Variants in KSR2 observed in about 807,000 individuals in gnomAD.
KSR2 encodes kinase suppressor of ras 2.
A neutral mutation model predicts 107.8 loss-of-function variants in KSR2; 25 were observed. The ratio of observed to expected loss-of-function variants is 0.23; its 90% confidence interval spans 0.17 to 0.32. KSR2 has a LOEUF of 0.32. Ranked by LOEUF, KSR2 falls within the 10% of genes least tolerant of loss-of-function variation. The pLI is 1.00. For synonymous variants in KSR2, 480 were observed against 507.0 expected (o/e 0.95, Z 0.71); for missense variants, 887 against 1,268.9 (o/e 0.70, Z 4.57).
At chr12:117,666,943 G>A (rs1005749306) in intron 5 of KSR2, among the ~76,000 whole-genome samples, 6 of 152,140 alleles carry the variant, frequency 3.9e-5, no homozygotes, top group African/African-American at 1.4e-4. Context: ...GCAGAAATTC[G>A]TAAGAGCAGA....
At chr12:117,650,001 T>C (rs79698863) in intron 5 of KSR2, among the ~76,000 whole-genome samples, 1,930 of 152,276 alleles carry the variant, frequency 0.013, 42 homozygotes, top group African/African-American at 0.044. Flanking sequence ...CTCCCCAGCA[T>C]TCATTCTCTC....
In KSR2 at chr12:117,968,626, G is replaced by A. The variant is rs1044384114; in HGVS notation, c.-371C>T. The A allele has an allele frequency of 1.1e-5, 3 of 284,028 alleles. No homozygotes were observed. Among genetic ancestry groups the A allele is most frequent in the Non-Finnish European group, 1.7e-5 (3 of 171,518 alleles). 17.6% of individuals were successfully genotyped at this position (284,028 alleles called of 1,614,324 possible). A position where few individuals can be genotyped will look rare whatever the true frequency, so the allele number is the denominator to read the frequency against. ...AGAAGAGGAGAAGGAGGAGAGAGAGGAGGAGGGAGAGGAGGAGGAGGGAGA... is the reference window on the plus strand; with the variant it reads ...AGAAGAGGAGAAGGAGGAGAGAGAGAAGGAGGGAGAGGAGGAGGAGGGAGA... On this transcript the variant is annotated 5_prime_UTR_variant, in exon 1 of 20. Transcript: ENST00000339824.
intron 3 of KSR2, among the ~76,000 whole-genome samples, chr12:117,823,354 C>T (rs7309589): frequency 0.089 from 13,468 of 152,036 alleles, 668 homozygotes; most frequent in African/African-American, 0.11. Flanking sequence ...GTCATCCAGG[C>T]AAAAGCTTGG....
At chr12:117,743,722 T>C (rs1051572336) in intron 4 of KSR2, among the ~76,000 whole-genome samples, 1 of 152,220 alleles carries the variant, frequency 6.6e-6, no homozygotes, top group African/African-American at 2.4e-5. Context: ...TCCTATGCCC[T>C]GAACTTTTAC....
At chr12:117,955,766 T>G (rs559171876) in intron 1 of KSR2, among the ~76,000 whole-genome samples, 5 of 151,266 alleles carry the variant, frequency 3.3e-5, no homozygotes, top group Non-Finnish European at 5.9e-5. Flanking sequence ...AACAGAGAAA[T>G]CGCTTCAGTG....
At chr12:117,579,342 G>A in intron 6 of KSR2, 140 bp from the exon 7 acceptor site, 2 of 690,704 alleles carry the variant, frequency 2.9e-6, no homozygotes, top group South Asian at 3.3e-5. Context: ...ACTTAATCAA[G>A]TTGCTTAAAC....
intron 1 of KSR2, among the ~76,000 whole-genome samples, chr12:117,919,934 A>G (rs1010848582): frequency 1.3e-5 from 2 of 152,234 alleles, no homozygotes; most frequent in Non-Finnish European, 2.9e-5. Context: ...ATCCTAGCCT[A>G]TGCTGATTGG....
chr12:117,860,507 C>T lies in KSR2; in HGVS notation c.181-76G>A, dbSNP rs80292514. 3,584 of 1,411,880 alleles carry T rather than the reference C, an allele frequency of 2.5e-3. 76 individuals carry two copies. The African/African-American group carries it at 0.044, about 17-fold the overall frequency. 87.5% of individuals were successfully genotyped at this position (1,411,880 alleles called of 1,614,324 possible). On this transcript the variant is annotated intron_variant, in intron 1 of 19. Transcript: ENST00000339824. ...AAGGAAGAGAGGCGAGAACCCCCTA[C>T]GAACCCCCACCCTAAACCCAGCCAA...
chr12:117,467,148 G>C lies in KSR2; in HGVS notation c.*51C>G. On this transcript the variant is annotated 3_prime_UTR_variant, in exon 20 of 20. Transcript: ENST00000339824. ...AGCTGGCAGAGGACAGAGTAGGGAG[G>C]GAGAGGTGACGGGAGCCCAGGCAGC... The C allele has an allele frequency of 1.5e-6, 1 of 668,976 alleles. No homozygotes were observed. Among genetic ancestry groups the C allele is most frequent in the East Asian group, 2.8e-5 (1 of 35,482 alleles). The allele number at this position is 668,976 out of a possible 1,614,324, so 41.4% of individuals were successfully genotyped here. A position where few individuals can be genotyped will look rare whatever the true frequency, so the allele number is the denominator to read the frequency against.
intron 3 of KSR2, among the ~76,000 whole-genome samples, chr12:117,826,980 A>G (rs1443665548): frequency 2.7e-5 from 4 of 148,036 alleles, no homozygotes; most frequent in South Asian, 4.3e-4. Flanking sequence ...TCAGCTAGTG[A>G]GCTGAGATCA....
chr12:117,477,542 T>C (rs1032013171), intron 16 of KSR2, among the ~76,000 whole-genome samples: 2 of 152,160 alleles, frequency 1.3e-5, no homozygotes, highest in African/African-American at 4.8e-5. Flanking sequence ...ATAAGCATCG[T>C]ACAAATAATT....
intron 4 of KSR2, among the ~76,000 whole-genome samples, chr12:117,751,238 A>G (rs1193145113): frequency 6.6e-6 from 1 of 152,158 alleles, no homozygotes. Flanking sequence ...CCCCTCTGCC[A>G]TGATTGTAAG....
At chr12:117,950,240 C>G (rs1896319681) in intron 1 of KSR2, among the ~76,000 whole-genome samples, 1 of 152,064 alleles carries the variant, frequency 6.6e-6, no homozygotes, top group African/African-American at 2.4e-5. Context: ...TTCCAGAATG[C>G]TGGGATTACA....
intron 1 of KSR2, among the ~76,000 whole-genome samples, chr12:117,929,440 T>G (rs942339403): frequency 6.6e-6 from 1 of 152,214 alleles, no homozygotes; most frequent in African/African-American, 2.4e-5. Context: ...GAGACGTGGC[T>G]TTCACCTTCT....
At chr12:117,963,430 T>C (rs906915458) in intron 1 of KSR2, among the ~76,000 whole-genome samples, 1 of 151,970 alleles carries the variant, frequency 6.6e-6, no homozygotes, top group Non-Finnish European at 1.5e-5. Context: ...CAATACCTTG[T>C]CTCTATTTAA....
chr12:117,849,304 G>GC (rs1331737105), intron 3 of KSR2, among the ~76,000 whole-genome samples: 2 of 152,174 alleles, frequency 1.3e-5, no homozygotes, highest in Admixed American at 1.3e-4. Flanking sequence ...CTGTGCCCCA[G>GC]CCCCCCACAC....
At chr12:117,479,925 T>C (rs1265319288) in intron 16 of KSR2, among the ~76,000 whole-genome samples, 2 of 152,210 alleles carry the variant, frequency 1.3e-5, no homozygotes. Context: ...TAATTTGTAC[T>C]TCACAGAGCT....
chr12:117,914,028 C>A (rs756287238), intron 1 of KSR2, among the ~76,000 whole-genome samples: 3 of 152,160 alleles, frequency 2.0e-5, no homozygotes, highest in African/African-American at 2.4e-5. Context: ...CCCTTACTGG[C>A]CATGTAATAT....
At chr12:117,869,312 CAGTGAACAG>C (rs199677327) in intron 1 of KSR2, among the ~76,000 whole-genome samples, 2,535 of 152,156 alleles carry the variant, frequency 0.017, 64 homozygotes, top group African/African-American at 0.058. Context: ...ACGGAGGTTG[CAGTGAACAG>C]AGATCACGCC....
Sources: allele counts gnomAD v4.1 joint callset (sites outside exome capture counted in the v4.1 genomes callset), GRCh38; gene constraint gnomAD v4.1.1; transcripts MANE v1.5; gene names NCBI Gene and HGNC (gene_info 2026-07-23, HGNC 2026-07-21).